The following ATRNL1 variants were observed in gnomAD, a reference collection of about 807,000 sequenced individuals.
The protein encoded by ATRNL1 is attractin-like protein 1.
In ATRNL1, 95 loss-of-function variants were observed where a neutral mutation model predicts 182.7. That is an observed-to-expected ratio of 0.52 (90% CI 0.44 to 0.62). The LOEUF (loss-of-function observed/expected upper bound fraction) is 0.62. Among genes scored for constraint, ATRNL1 ranks in the 20% least tolerant of loss-of-function variants. The pLI, the probability that ATRNL1 is intolerant of heterozygous loss-of-function variation, is 0.00. For missense variants in ATRNL1, 1,471 were observed against 1,679.5 expected (o/e 0.88, Z 2.17); for synonymous variants, 576 against 568.3 (o/e 1.01, Z -0.19).
intron 19 of ATRNL1, among the ~76,000 whole-genome samples, chr10:115,393,487 A>G (rs11814707): frequency 0.013 from 1,993 of 152,264 alleles, 41 homozygotes; most frequent in African/African-American, 0.046. Flanking sequence ...AATTCAGGAA[A>G]AGACCATATC....
intron 19 of ATRNL1, among the ~76,000 whole-genome samples, chr10:115,348,498 C>A (rs1856081084): frequency 6.6e-6 from 1 of 152,004 alleles, no homozygotes. Context: ...ACTTTTATGG[C>A]AGTATTATTT....
intron 24 of ATRNL1, among the ~76,000 whole-genome samples, chr10:115,502,010 G>A (rs1361098717): frequency 6.6e-6 from 1 of 152,028 alleles, no homozygotes; most frequent in Non-Finnish European, 1.5e-5. Context: ...ATTGTCCTTG[G>A]ATTACAAAAG....
At chr10:115,595,490 C>A (rs967440219) in intron 26 of ATRNL1, among the ~76,000 whole-genome samples, 1 of 152,028 alleles carries the variant, frequency 6.6e-6, no homozygotes, top group Non-Finnish European at 1.5e-5. Context: ...TTACATTTTT[C>A]TGTTAATATG....
intron 15 of ATRNL1, among the ~76,000 whole-genome samples, chr10:115,295,496 T>C (rs1853135565): frequency 6.6e-6 from 1 of 152,148 alleles, no homozygotes; most frequent in South Asian, 2.1e-4. Flanking sequence ...TGGAACTGTT[T>C]CTAGGCCCTG....
intron 15 of ATRNL1, among the ~76,000 whole-genome samples, chr10:115,291,041 G>A (rs1275211907): frequency 6.6e-6 from 1 of 152,180 alleles, no homozygotes; most frequent in African/African-American, 2.4e-5. Flanking sequence ...ACAGCTGCCG[G>A]CATTCACCGG....
At chr10:115,558,762 T>A (rs1216001939) in intron 26 of ATRNL1, among the ~76,000 whole-genome samples, 1 of 152,152 alleles carries the variant, frequency 6.6e-6, no homozygotes, top group African/African-American at 2.4e-5. Context: ...AAGTTCCCTG[T>A]CTGCAGACCC....
At chr10:115,483,877 C>T (rs1030621034) in intron 24 of ATRNL1, among the ~76,000 whole-genome samples, 2 of 151,524 alleles carry the variant, frequency 1.3e-5, no homozygotes, top group African/African-American at 4.8e-5. Context: ...GAATCAATCT[C>T]ATATTTGCCC....
intron 15 of ATRNL1, among the ~76,000 whole-genome samples, chr10:115,290,234 A>T (rs1554920399): frequency 6.6e-6 from 1 of 152,166 alleles, no homozygotes. Flanking sequence ...AACTTTGCTG[A>T]ATTAGTTTAT....
chr10:115,597,146 T>C (rs1400787761), intron 26 of ATRNL1, among the ~76,000 whole-genome samples: 3 of 152,208 alleles, frequency 2.0e-5, no homozygotes, highest in African/African-American at 7.2e-5. Flanking sequence ...TAAATTATTT[T>C]AAATGTAAGG....
rs116102608 is a variant in ATRNL1, at chr10:115,210,605, T to G, written c.1349-5092T>G. The stretch of plus-strand genomic sequence containing the variant: ...ATTTTGATATATTAGTGACTAAGTC[T>G]GCTGTTTTATTATTTGTTTTCTGTT... On this transcript the variant is annotated intron_variant, in intron 8 of 28. Coordinates refer to ENST00000355044, the MANE Select transcript of ATRNL1 (RefSeq NM_207303.4). 1.2e-3 allele frequency among the ~76,000 whole-genome samples: 177 copies of G among 152,150 alleles called. 1 individual carries two copies. Among genetic ancestry groups the G allele is most frequent in the African/African-American group, 4.1e-3 (172 of 41,556 alleles).
chr10:115,636,990 AAAG>A (rs1168560182), intron 26 of ATRNL1, among the ~76,000 whole-genome samples: 3 of 152,228 alleles, frequency 2.0e-5, no homozygotes, highest in South Asian at 2.1e-4. Flanking sequence ...GACGATAAAA[AAAG>A]AAGAACCCCC....
At chr10:115,377,621 A>G (rs1463042565) in intron 19 of ATRNL1, among the ~76,000 whole-genome samples, 10 of 152,230 alleles carry the variant, frequency 6.6e-5, no homozygotes, top group East Asian at 1.9e-4. Context: ...TTTCTTAACT[A>G]TATAGCCTTG....
chr10:115,483,951 G>C (rs1008066000), intron 24 of ATRNL1, among the ~76,000 whole-genome samples: 1 of 151,534 alleles, frequency 6.6e-6, no homozygotes, highest in Non-Finnish European at 1.5e-5. Flanking sequence ...AGCAGAGAGA[G>C]GGCCACTACT....
At chr10:115,721,231 C>A (rs75285571) in intron 26 of ATRNL1, among the ~76,000 whole-genome samples, 3,947 of 152,142 alleles carry the variant, frequency 0.026, 176 homozygotes, top group African/African-American at 0.089. Flanking sequence ...GACAACAAGA[C>A]CCTCATTTGT....
At chr10:115,547,264 AT>A (rs199903143) in intron 25 of ATRNL1, among the ~76,000 whole-genome samples, 267 of 103,034 alleles carry the variant, frequency 2.6e-3, no homozygotes, top group African/African-American at 9.9e-3. Flanking sequence ...CAAAAAAAAA[AT>A]ATATATATAT....
chr10:115,139,615 T>A (rs1195952987), intron 5 of ATRNL1, among the ~76,000 whole-genome samples: 1 of 152,168 alleles, frequency 6.6e-6, no homozygotes, highest in Non-Finnish European at 1.5e-5. Context: ...TACCTCCTAC[T>A]GGGTCCCTTC....
chr10:115,399,250 A>G lies in ATRNL1; in HGVS notation c.3269+4498A>G, dbSNP rs576463565. ...GTTAGGGAGGAGTCCCTTTTCCTCA[A>G]TTTTTTATTGAGGAGAGTATATCTG... On this transcript the variant is annotated intron_variant, in intron 20 of 28. Coordinates refer to ENST00000355044, the MANE Select transcript of ATRNL1 (RefSeq NM_207303.4). 4.6e-5 allele frequency among the ~76,000 whole-genome samples: 7 copies of G among 151,652 alleles called. No homozygotes were observed. In the South Asian group the frequency reaches 1.2e-3, roughly 27 times the overall value.
intron 24 of ATRNL1, among the ~76,000 whole-genome samples, chr10:115,492,703 G>A (rs1229766773): frequency 1.4e-5 from 2 of 140,136 alleles, no homozygotes; most frequent in African/African-American, 5.5e-5. Flanking sequence ...GAGTGTAGTG[G>A]CACAATCTTG....
intron 20 of ATRNL1, among the ~76,000 whole-genome samples, chr10:115,413,837 T>G (rs1439620717): frequency 3.9e-5 from 6 of 152,164 alleles, no homozygotes; most frequent in Non-Finnish European, 7.4e-5. Flanking sequence ...GTGCTAGGTA[T>G]GCTTTTTGCT....
Sources: gnomAD v4.1 joint callset for allele counts (sites outside exome capture counted in the v4.1 genomes callset) on GRCh38, gnomAD v4.1.1 for gene constraint, MANE v1.5 for transcripts, NCBI Gene and HGNC (gene_info 2026-07-23, HGNC 2026-07-21) for gene names.